Variants in DST observed in about 807,000 individuals in gnomAD.
DST encodes bullous pemphigoid antigen.
Under a neutral mutation model 875.2 loss-of-function variants are expected in DST, and 253 were observed. That is an observed-to-expected ratio of 0.29 (90% CI 0.26 to 0.32). The LOEUF (loss-of-function observed/expected upper bound fraction) is 0.32, where lower values mean the gene tolerates loss of function less well. Among genes scored for constraint, DST ranks in the 10% least tolerant of loss-of-function variants. DST has a pLI of 1.00. For missense variants in DST, 8,287 were observed against 9,111.6 expected, an observed-to-expected ratio of 0.91 and a Z score of 3.68; for synonymous variants, 3,124 against 3,197.1, an observed-to-expected ratio of 0.98 and a Z score of 0.77.
At chr6:56,678,631 AGCTAAAG>A (rs1369947884) in intron 9 of DST, among the ~76,000 whole-genome samples, 3 of 152,212 alleles carry the variant, frequency 2.0e-5, no homozygotes, top group African/African-American at 7.2e-5. Context: ...AAGCTTGTTG[AGCTAAAG>A]GCAATTAAGT....
chr6:56,721,116 C>A, intron 5 of DST, among the ~76,000 whole-genome samples: 1 of 151,480 alleles, frequency 6.6e-6, no homozygotes, highest in African/African-American at 2.4e-5. Flanking sequence ...GCCCCCCCAC[C>A]TCCCAGACAG....
At position 56,471,028 on chromosome 6, in the gene DST, T is replaced by G; in HGVS notation, c.22321+78A>C. The G allele has an allele frequency of 2.1e-6, 3 of 1,408,366 alleles. No individual in the cohort carries two copies. The South Asian group carries it at 4.0e-5, about 19-fold the overall frequency. The allele number at this position is 1,408,366 out of a possible 1,614,324, so 87.2% of individuals were successfully genotyped here. On this transcript the variant is annotated intron_variant, in intron 95 of 103. Coordinates refer to ENST00000680361, the MANE Select transcript of DST (RefSeq NM_001374736.1). ...ACAATGCTTTATTGTAACACAAGTT[T>G]ACCAGACCCACACTTTTAAAATGTG...
At chr6:56,897,092 A>T (rs59524770) in intron 3 of DST, among the ~76,000 whole-genome samples, 6,749 of 152,238 alleles carry the variant, frequency 0.044, 453 homozygotes, top group African/African-American at 0.15. Flanking sequence ...TTTTTATAGT[A>T]TCAGGTCTTA....
rs751498031 is a variant in DST at position 56,498,004 on chromosome 6, T to C, written c.19946A>G (p.Asn6649Ser). ...TTCAATTAGATCATTTCCTGCTTTA[T>C]TAACGGCTTCCACTGTGGACTGATG... Reference protein sequence around the residue: ...LAHQSTVEAVNKAGNDLIESS... With the variant: ...LAHQSTVEAVSKAGNDLIESS... The change falls in exon 81 of 104, where the codon AAT becomes AGT. Residue 6649 changes from asparagine (N) to serine (S), a missense_variant. Around this residue, in one of 10 missense-constraint regions of DST, gnomAD observed 1,292 missense variants for 1,552.7 expected, o/e 0.83. Coordinates refer to ENST00000680361, the MANE Select transcript of DST (RefSeq NM_001374736.1). The C allele has an allele frequency of 1.2e-6, 2 of 1,613,522 alleles. No individual in the cohort carries two copies. The highest frequency in any genetic ancestry group is 1.7e-5 in the Admixed American group (1 of 59,952).
intron 36 of DST, chr6:56,620,820 T>C (rs560236579): frequency 1.9e-6 from 2 of 1,044,474 alleles, no homozygotes; most frequent in Admixed American, 3.5e-5. Flanking sequence ...TGAACTCAAA[T>C]GCAGAACAAG....
chr6:56,781,664 G>A (rs2099694269), intron 4 of DST, among the ~76,000 whole-genome samples: 1 of 152,194 alleles, frequency 6.6e-6, no homozygotes, highest in Non-Finnish European at 1.5e-5. Context: ...CATGTCGTCT[G>A]CAAACAGGGA....
At chr6:56,565,907 T>C (rs1185487069) in intron 55 of DST, among the ~76,000 whole-genome samples, 1 of 152,144 alleles carries the variant, frequency 6.6e-6, no homozygotes, top group Non-Finnish European at 1.5e-5. Context: ...AGAGGAGGAA[T>C]CTAGAGAGGC....
chr6:56,494,576 T>C (rs1427503197), intron 82 of DST, among the ~76,000 whole-genome samples: 1 of 152,146 alleles, frequency 6.6e-6, no homozygotes, highest in Non-Finnish European at 1.5e-5. Flanking sequence ...CCTTGTACTA[T>C]GATACAATGA....
chr6:56,519,881 T>C (rs1300048540), intron 69 of DST, among the ~76,000 whole-genome samples: 1 of 152,110 alleles, frequency 6.6e-6, no homozygotes, highest in African/African-American at 2.4e-5. Flanking sequence ...GATAATCAAA[T>C]AGATGCCAAT....
At chr6:56,921,766 CA>C (rs148306255) in intron 2 of DST, among the ~76,000 whole-genome samples, 7,653 of 151,938 alleles carry the variant, frequency 0.05, 339 homozygotes, top group East Asian at 0.17. Context: ...GGGGTGCAAT[CA>C]AAACTGTGAA....
At chr6:56,705,883 T>C (rs1230477852) in intron 5 of DST, among the ~76,000 whole-genome samples, 1 of 152,240 alleles carries the variant, frequency 6.6e-6, no homozygotes, top group Non-Finnish European at 1.5e-5. Flanking sequence ...ACATTTTATT[T>C]TGATTTCCTA....
chr6:56,491,036 A>G (rs1582984077), intron 85 of DST, among the ~76,000 whole-genome samples: 1 of 152,212 alleles, frequency 6.6e-6, no homozygotes, highest in Non-Finnish European at 1.5e-5. Flanking sequence ...GGCACTACAC[A>G]TGTTATTGCA....
chr6:56,914,963 G>T (rs1800248717), intron 2 of DST, among the ~76,000 whole-genome samples: 1 of 152,242 alleles, frequency 6.6e-6, no homozygotes, highest in Admixed American at 6.5e-5. Context: ...AGCAGTCAGT[G>T]CAATCTGCTC....
At chr6:56,705,767 T>C (rs889918496) in intron 5 of DST, among the ~76,000 whole-genome samples, 1 of 152,198 alleles carries the variant, frequency 6.6e-6, no homozygotes, top group Non-Finnish European at 1.5e-5. Flanking sequence ...TTAGGCTCAA[T>C]AGCTCTACCA....
At chr6:56,569,831 T>G in intron 54 of DST, 25 bp downstream of exon 54, 1 of 1,581,360 alleles carries the variant, frequency 6.3e-7, no homozygotes, top group African/African-American at 1.4e-5. Flanking sequence ...AAATGGAAAT[T>G]TAGTATTAGA....
intron 4 of DST, among the ~76,000 whole-genome samples, chr6:56,850,297 G>A (rs1236863168): frequency 6.6e-6 from 1 of 151,800 alleles, no homozygotes. Flanking sequence ...AAATCCCACT[G>A]GGGGGACAAA....
chr6:56,728,851 A>G (rs1227924920), intron 5 of DST, among the ~76,000 whole-genome samples: 1 of 152,138 alleles, frequency 6.6e-6, no homozygotes, highest in Non-Finnish European at 1.5e-5. Flanking sequence ...AAATTTATGA[A>G]GTTGCTAACT....
At chr6:56,735,146 T>G in intron 5 of DST, 82 bp downstream of exon 5, 1 of 923,370 alleles carries the variant, frequency 1.1e-6, no homozygotes, top group Non-Finnish European at 1.7e-6. Context: ...AAAGTTGTGC[T>G]TCAGAGCTAT....
At chr6:56,899,264 C>T (rs1792877158) in intron 3 of DST, among the ~76,000 whole-genome samples, 1 of 152,134 alleles carries the variant, frequency 6.6e-6, no homozygotes, top group Admixed American at 6.5e-5. Context: ...ATTTTCCTAC[C>T]ATTTCATATT....
Sources: allele counts gnomAD v4.1 joint callset (sites outside exome capture counted in the v4.1 genomes callset), GRCh38; gene constraint gnomAD v4.1.1; regional missense constraint gnomAD v4.1.1; transcripts MANE v1.5; gene names NCBI Gene and HGNC (gene_info 2026-07-23, HGNC 2026-07-21).